The following PDE5A variants were observed in gnomAD, a reference collection of about 807,000 sequenced individuals.
PDE5A encodes the protein phosphodiesterase 5A, also known as cGMP-specific 3',5'-cyclic phosphodiesterase.
Under a neutral mutation model 110.2 loss-of-function variants are expected in PDE5A, and 67 were observed. The ratio of observed to expected loss-of-function variants is 0.61; its 90% CI spans 0.50 to 0.75. The LOEUF (loss-of-function observed/expected upper bound fraction) is 0.75. PDE5A is among the 30% of genes least tolerant of loss of function. The pLI, the probability that PDE5A is intolerant of heterozygous loss-of-function variation, is 0.00. For synonymous variants in PDE5A, 328 were observed against 351.2 expected (o/e 0.93, Z 0.74); for missense variants, 862 against 1,045.1 (o/e 0.82, Z 2.42).
Position 119,525,437 on chromosome 4 carries a change from C to T in PDE5A, c.1779+112G>A. On this transcript the variant is annotated intron_variant, in intron 12 of 20. Transcript: ENST00000354960. This position sits in a 1 kb window ranked among gnomAD's most constrained non-coding sequence, Gnocchi z 4.3. The stretch of plus-strand genomic sequence containing the variant: ...ATATATTAGGTGACAGTATATTAAT[C>T]ACTAAAATGTAAAAATCCCTATTCC... The T allele has an allele frequency of 1.0e-6, 1 of 979,852 alleles. No homozygotes were observed. Among genetic ancestry groups the T allele is most frequent in the Non-Finnish European group, 1.5e-6 (1 of 672,588 alleles). The allele number at this position is 979,852 out of a possible 1,614,324, so 60.7% of individuals were successfully genotyped here.
At chr4:119,628,062 G>A (rs199933929) in intron 1 of PDE5A, 52 of 985,250 alleles carry the variant, frequency 5.3e-5, no homozygotes, top group Non-Finnish European at 6.3e-5. Flanking sequence ...CAGCTTCCCC[G>A]CCCAGCCAGG....
chr4:119,565,886 C>G (rs539377792), intron 4 of PDE5A, among the ~76,000 whole-genome samples: 50 of 150,728 alleles, frequency 3.3e-4, no homozygotes, highest in African/African-American at 1.2e-3. Context: ...GATCTATCAT[C>G]CTCATTAAAC....
At chr4:119,620,305 T>C (rs983019424) in intron 1 of PDE5A, among the ~76,000 whole-genome samples, 2 of 152,194 alleles carry the variant, frequency 1.3e-5, no homozygotes, top group Non-Finnish European at 2.9e-5. Context: ...CCCAAAGTTA[T>C]TTAGTATTTC....
chr4:119,538,169 T>C (rs1726794559), intron 11 of PDE5A, among the ~76,000 whole-genome samples: 1 of 152,084 alleles, frequency 6.6e-6, no homozygotes, highest in African/African-American at 2.4e-5. Context: ...TTATGAAGTT[T>C]ACATGAGAAA....
At chr4:119,554,334 CT>C (rs1309012579) in intron 7 of PDE5A, among the ~76,000 whole-genome samples, 1 of 151,922 alleles carries the variant, frequency 6.6e-6, no homozygotes, top group Non-Finnish European at 1.5e-5. Flanking sequence ...CTTTAAGATA[CT>C]TTTAAAATTA....
rs117768323 is a variant in PDE5A at position 119,583,784 on chromosome 4, G to A, written c.831+12739C>T. ...GGTGAAGTATGTTCAAGAGAGAATG[G>A]AAGGAAATGGAAATGGCAAACATGG... On this transcript the variant is annotated intron_variant, in intron 3 of 20. Transcript: ENST00000354960. 4.5e-3 allele frequency among the ~76,000 whole-genome samples: 689 copies of A among 152,294 alleles called. 15 individuals are homozygous for A. Among genetic ancestry groups the A allele is most frequent in the East Asian group, 0.038 (195 of 5,174 alleles).
At chr4:119,523,753 A>T (rs1726210798) in intron 12 of PDE5A, among the ~76,000 whole-genome samples, 1 of 152,096 alleles carries the variant, frequency 6.6e-6, no homozygotes, top group African/African-American at 2.4e-5. Flanking sequence ...AACTTATATG[A>T]ATTTCATTTA....
chr4:119,620,472 G>A (rs1053686404), intron 1 of PDE5A, among the ~76,000 whole-genome samples: 2 of 152,118 alleles, frequency 1.3e-5, no homozygotes, highest in Non-Finnish European at 2.9e-5. Flanking sequence ...GTTGCTTAAA[G>A]GAAAACCTAC....
chr4:119,607,035 G>C lies in PDE5A; in HGVS notation c.415C>G (p.Pro139Ala), dbSNP rs778910896. The change falls in exon 2 of 21, where the codon CCA (proline) becomes GCA (alanine). Residue 139 changes from proline (P) to alanine (A), a missense_variant. Transcript: ENST00000354960. ...EKKEQMPLTP[P>A]RFDHDEGDQC... ...TCCCCTTCATCATGATCAAACCTTG[G>C]AGGGGTTAGAGGCATCTGTTCCTTC... 2.0e-5 allele frequency: 32 copies of C among 1,614,050 alleles called. No individual in the cohort carries two copies. Among genetic ancestry groups the C allele is most frequent in the Non-Finnish European group, 8.5e-7 (1 of 1,180,034 alleles).
At chr4:119,542,191 T>C (rs115849258) in intron 10 of PDE5A, among the ~76,000 whole-genome samples, 57 of 152,294 alleles carry the variant, frequency 3.7e-4, no homozygotes, top group African/African-American at 1.3e-3. Flanking sequence ...AAGTCAATAT[T>C]GCTTTCTGCA....
At chr4:119,603,822 T>A (rs1479054512) in intron 2 of PDE5A, among the ~76,000 whole-genome samples, 1 of 152,192 alleles carries the variant, frequency 6.6e-6, no homozygotes, top group Non-Finnish European at 1.5e-5. Context: ...TACGATCAAA[T>A]AAGCTTAAGA....
chr4:119,501,332 A>C, intron 19 of PDE5A, 79 bp from the exon 20 acceptor site: 1 of 866,328 alleles, frequency 1.2e-6, no homozygotes, highest in Non-Finnish European at 1.9e-6. Flanking sequence ...ATTTTTTGAG[A>C]TGGAGTCTCA....
intron 9 of PDE5A, 39 bp from the exon 10 acceptor site, chr4:119,542,673 A>C: frequency 6.3e-7 from 1 of 1,576,854 alleles, no homozygotes; most frequent in African/African-American, 1.3e-5. Flanking sequence ...GTTATTGTTG[A>C]TTATCATAGT....
intron 11 of PDE5A, chr4:119,528,795 T>G (rs909615678): frequency 1.1e-4 from 16 of 152,240 alleles, no homozygotes; most frequent in Non-Finnish European, 2.2e-4. Context: ...TTACTGTAAG[T>G]GGCATCTAGA....
rs573709426 is a variant in PDE5A, at chr4:119,583,962, T to A, written c.831+12561A>T. On this transcript the variant is annotated intron_variant, in intron 3 of 20. Transcript: ENST00000354960. Reference sequence around the variant, plus strand: ...TTTGTATGCTGATGAGCAGATTTGATAGCAGGGAAAACTTTAATGATTCTG... The same window carrying A: ...TTTGTATGCTGATGAGCAGATTTGAAAGCAGGGAAAACTTTAATGATTCTG... 3.3e-5 allele frequency among the ~76,000 whole-genome samples: 5 copies of A among 152,284 alleles called. No homozygotes were observed. In the South Asian group the frequency reaches 1.0e-3, roughly 32 times the overall value.
chr4:119,530,625 T>C (rs1407401648), intron 11 of PDE5A, among the ~76,000 whole-genome samples: 1 of 152,136 alleles, frequency 6.6e-6, no homozygotes. Context: ...TATAATTATC[T>C]TATATATGAC....
At chr4:119,513,458 C>T (rs1210977939) in intron 14 of PDE5A, among the ~76,000 whole-genome samples, 2 of 152,172 alleles carry the variant, frequency 1.3e-5, no homozygotes, top group Non-Finnish European at 2.9e-5. Flanking sequence ...TTCCCTGCTT[C>T]CTTCCCAGTT....
chr4:119,606,247 A>G (rs1450937842), intron 2 of PDE5A, among the ~76,000 whole-genome samples: 3 of 152,226 alleles, frequency 2.0e-5, no homozygotes, highest in South Asian at 2.1e-4. Context: ...AGACTTTGGT[A>G]TCAATGGGAC....
chr4:119,509,014 A>G (rs1305544202), intron 15 of PDE5A, among the ~76,000 whole-genome samples: 1 of 152,056 alleles, frequency 6.6e-6, no homozygotes, highest in Non-Finnish European at 1.5e-5. Context: ...CTTTGGAGCT[A>G]AATTTGTAGT....
Sources: gnomAD v4.1 joint callset for allele counts (sites outside exome capture counted in the v4.1 genomes callset) on GRCh38, gnomAD v4.1.1 for gene constraint, Gnocchi (gnomAD v3.1) non-coding constraint, MANE v1.5 for transcripts, NCBI Gene and HGNC (gene_info 2026-07-23, HGNC 2026-07-21) for gene names.